SEMA3D: variants seen among roughly 807,000 people sequenced by gnomAD.
The protein encoded by SEMA3D is semaphorin-3D.
Under a neutral mutation model 100.1 loss-of-function variants are expected in SEMA3D, and 84 were observed. The ratio of observed to expected loss-of-function variants is 0.84; its 90% CI spans 0.70 to 1.01. SEMA3D has a LOEUF of 1.01. Among genes scored for constraint, SEMA3D ranks in the 50% least tolerant of loss-of-function variants. The pLI is 0.00. For synonymous variants in SEMA3D, 312 were observed against 320.7 expected, an observed-to-expected ratio of 0.97 and a Z score of 0.29; for missense variants, 875 against 934.1, an observed-to-expected ratio of 0.94 and a Z score of 0.82.
intron 1 of SEMA3D, among the ~76,000 whole-genome samples, chr7:85,167,706 T>G (rs1039946763): frequency 3.3e-5 from 5 of 151,836 alleles, no homozygotes; most frequent in Non-Finnish European, 5.9e-5. Context: ...GGATGGAATT[T>G]CCCTCTACAG....
chr7:85,005,851 G>A (rs1021919843), intron 18 of SEMA3D, among the ~76,000 whole-genome samples: 31 of 151,918 alleles, frequency 2.0e-4, no homozygotes, highest in Non-Finnish European at 4.0e-4. Context: ...AATTACTGGA[G>A]GTTGAGATCC....
At chr7:85,213,594 G>A in the SEMA3D span, among the ~76,000 whole-genome samples, 1 of 151,938 alleles carries the variant, frequency 6.6e-6, no homozygotes, top group African/African-American at 2.4e-5. Context: ...TGGTTGTCAT[G>A]CATCTGCCAG....
At chr7:85,032,253 T>G (rs2286188) in intron 12 of SEMA3D, among the ~76,000 whole-genome samples, 6,047 of 152,048 alleles carry the variant, frequency 0.04, 351 homozygotes, top group East Asian at 0.22. Flanking sequence ...TGTAGTGTTA[T>G]TAATGGTAAA....
At chr7:85,146,735 A>G (rs796236953) in intron 2 of SEMA3D, among the ~76,000 whole-genome samples, 3 of 152,204 alleles carry the variant, frequency 2.0e-5, no homozygotes, top group African/African-American at 7.2e-5. Flanking sequence ...TTACAAATAT[A>G]TCTTTCAGGA....
chr7:85,123,806 T>C (rs76037423), intron 2 of SEMA3D, among the ~76,000 whole-genome samples: 2,091 of 152,194 alleles, frequency 0.014, 50 homozygotes, highest in African/African-American at 0.047. Context: ...TTACTACATA[T>C]GCATATAAGT....
intron 17 of SEMA3D, among the ~76,000 whole-genome samples, chr7:85,011,178 C>G (rs777488440): frequency 1.3e-5 from 2 of 151,812 alleles, no homozygotes; most frequent in African/African-American, 4.8e-5. Context: ...AAGCAATCAA[C>G]TTATATGAGG....
chr7:85,166,820 T>C lies in SEMA3D; in HGVS notation c.-172-13081A>G, dbSNP rs1021827168. Among the ~76,000 whole-genome samples, 8 of 151,960 alleles carry C rather than the reference T, an allele frequency of 5.3e-5. No homozygotes were observed. The East Asian group carries it at 1.6e-3, about 30-fold the overall frequency. ...AGTCGGTAAGGGAAAAAATAAAAAA[T>C]GAAAGCCCCGTTTTATTTTTGACAT... On this transcript the variant is annotated intron_variant, in intron 1 of 18. Transcript: ENST00000284136.
intron 1 of SEMA3D, among the ~76,000 whole-genome samples, chr7:85,168,848 AGAAAGAAAGAAAG>A (rs1790996844): frequency 8.7e-6 from 1 of 115,424 alleles, no homozygotes; most frequent in South Asian, 3.0e-4. Context: ...AAAGAAAGAA[AGAAAGAAAGAAAG>A]AAAGAAAGAA....
intron 12 of SEMA3D, among the ~76,000 whole-genome samples, chr7:85,025,301 C>A (rs1790362597): frequency 6.6e-6 from 1 of 151,812 alleles, no homozygotes; most frequent in South Asian, 2.1e-4. Flanking sequence ...ATATTAATAC[C>A]AGCACAAAAG....
At chr7:85,222,413 A>T in the SEMA3D span, among the ~76,000 whole-genome samples, 1 of 152,120 alleles carries the variant, frequency 6.6e-6, no homozygotes, top group Admixed American at 6.6e-5. Flanking sequence ...CATATATTAC[A>T]TATATTTGTG....
the SEMA3D span, among the ~76,000 whole-genome samples, chr7:85,209,876 C>T: frequency 3.0e-4 from 46 of 152,088 alleles, no homozygotes; most frequent in Non-Finnish European, 4.9e-4. Context: ...CTAGTCTTCA[C>T]TGCAGTTGTC....
chr7:85,212,261 T>C, the SEMA3D span, among the ~76,000 whole-genome samples: 1 of 152,154 alleles, frequency 6.6e-6, no homozygotes, highest in East Asian at 1.9e-4. Context: ...AACGAGGGTC[T>C]TATGATTTAT....
At chr7:85,094,950 C>G (rs913355794) in intron 4 of SEMA3D, among the ~76,000 whole-genome samples, 5 of 151,554 alleles carry the variant, frequency 3.3e-5, no homozygotes, top group South Asian at 2.1e-4. Flanking sequence ...TCAAAAAAGA[C>G]AAAAGGTCAT....
At chr7:85,073,414 A>T (rs1016691017) in intron 5 of SEMA3D, among the ~76,000 whole-genome samples, 4 of 151,698 alleles carry the variant, frequency 2.6e-5, no homozygotes, top group African/African-American at 9.7e-5. Flanking sequence ...CATATTTAAA[A>T]TTTTCTCTTT....
intron 2 of SEMA3D, among the ~76,000 whole-genome samples, chr7:85,150,247 T>G (rs1375262712): frequency 2.0e-5 from 3 of 150,538 alleles, no homozygotes; most frequent in Admixed American, 1.3e-4. Context: ...TGGTATTTGT[T>G]TGTTGGCCTA....
chr7:85,202,175 A>T, the SEMA3D span, among the ~76,000 whole-genome samples: 1 of 149,678 alleles, frequency 6.7e-6, no homozygotes, highest in Non-Finnish European at 1.5e-5. Context: ...GTCATCTAGC[A>T]TTAGGTATAT....
intron 9 of SEMA3D, chr7:85,050,537 G>C (rs1791135114): frequency 2.8e-6 from 1 of 357,390 alleles, no homozygotes; most frequent in African/African-American, 2.1e-5. Flanking sequence ...ATATTCTGTG[G>C]ATGAAGGCAC....
intron 5 of SEMA3D, among the ~76,000 whole-genome samples, chr7:85,073,651 C>T (rs990971797): frequency 1.3e-5 from 2 of 152,200 alleles, no homozygotes; most frequent in East Asian, 3.9e-4. Context: ...TTTGCAATGT[C>T]ATCTGTCTCA....
intron 1 of SEMA3D, among the ~76,000 whole-genome samples, chr7:85,181,447 A>G (rs1791409563): frequency 6.6e-6 from 1 of 152,194 alleles, no homozygotes; most frequent in Admixed American, 6.5e-5. Context: ...TTGAGTAACA[A>G]ATAAATAAAT....
Sources: allele counts gnomAD v4.1 joint callset (sites outside exome capture counted in the v4.1 genomes callset), GRCh38; gene constraint gnomAD v4.1.1; transcripts MANE v1.5; gene names NCBI Gene and HGNC (gene_info 2026-07-23, HGNC 2026-07-21).